Variants in THOP1 observed in about 807,000 individuals in gnomAD.
THOP1 encodes thimet oligopeptidase 1.
A neutral mutation model predicts 71.8 loss-of-function variants in THOP1; 49 were observed. The ratio of observed to expected loss-of-function variants is 0.68; its 90% CI spans 0.54 to 0.87. THOP1 has a LOEUF of 0.87. THOP1 is among the 40% of genes least tolerant of loss of function. The pLI, the probability that THOP1 is intolerant of heterozygous loss-of-function variation, is 0.00. For synonymous variants in THOP1, 426 were observed against 421.5 expected (o/e 1.01, Z -0.13); for missense variants, 843 against 975.6 (o/e 0.86, Z 1.81).
intron 12 of THOP1, 88 bp from the exon 13 acceptor site, chr19:2,813,027 C>A: frequency 6.9e-7 from 1 of 1,451,406 alleles, no homozygotes; most frequent in Non-Finnish European, 9.2e-7. Flanking sequence ...CTCCGAGGCC[C>A]CCCTGGGCGA....
At chr19:2,799,070 A>G (rs373301785) in intron 4 of THOP1, among the ~76,000 whole-genome samples, 24 of 152,354 alleles carry the variant, frequency 1.6e-4, no homozygotes, top group African/African-American at 5.1e-4. Flanking sequence ...TCATGCCTGT[A>G]ATCCCAGCAC....
In THOP1 at chr19:2,791,654, C is replaced by T. The variant is rs756609498; in HGVS notation, c.229+1021C>T. 3.9e-5 allele frequency among the ~76,000 whole-genome samples: 6 copies of T among 152,328 alleles called. No individual in the cohort carries two copies. In the South Asian group the frequency reaches 6.2e-4, roughly 16 times the overall value. Reference sequence around the variant, plus strand: ...CCACGTGGTGGCCCCTTGTCCCTCCCGTAGGAGTCTCATGAGGCTCAGGTG... The same window carrying T: ...CCACGTGGTGGCCCCTTGTCCCTCCTGTAGGAGTCTCATGAGGCTCAGGTG... On this transcript the variant is annotated intron_variant, in intron 2 of 12. Transcript: ENST00000307741.
chr19:2,787,324 A>G (rs1348084429), intron 1 of THOP1, among the ~76,000 whole-genome samples: 2 of 152,154 alleles, frequency 1.3e-5, no homozygotes, highest in African/African-American at 4.8e-5. Context: ...TAATTGTAAT[A>G]ATGATAGTCA....
chr19:2,794,694 T>A, intron 2 of THOP1, 70 bp from the exon 3 acceptor site: 8 of 1,540,146 alleles, frequency 5.2e-6, no homozygotes, highest in Non-Finnish European at 7.1e-6. Context: ...GGGAGAGGGG[T>A]CCGGGCAACA....
At chr19:2,791,040 C>T (rs1172641466) in intron 2 of THOP1, among the ~76,000 whole-genome samples, 1 of 152,214 alleles carries the variant, frequency 6.6e-6, no homozygotes, top group East Asian at 1.9e-4. Flanking sequence ...TTCCCTGGCC[C>T]GGGAAGGCGG....
intron 3 of THOP1, among the ~76,000 whole-genome samples, chr19:2,795,134 A>G (rs1254685608): frequency 6.6e-6 from 1 of 152,022 alleles, no homozygotes; most frequent in Non-Finnish European, 1.5e-5. Context: ...CATTTTTTGT[A>G]TTTTTAGTAG....
intron 6 of THOP1, 108 bp from the exon 7 acceptor site, chr19:2,806,809 G>T: frequency 6.4e-7 from 1 of 1,572,736 alleles, no homozygotes; most frequent in East Asian, 2.2e-5. Context: ...AGGGACCGGA[G>T]GTCAGACGGA....
At position 2,790,555 on chromosome 19, in the gene THOP1, G is replaced by T; in HGVS notation, c.151G>T (p.Val51Phe). The stretch of plus-strand genomic sequence containing the variant: ...GCAGACCAAGCGCGTGTATGACCAG[G>T]TTGGCACCCAGGAGTTTGAGGACGT... ...IEQTKRVYDQ[V>F]GTQEFEDVSY... Residue 51 changes from valine to phenylalanine, a missense_variant, in exon 2 of 13, where the codon GTT becomes TTT. Val to Phe is a conservative substitution (Grantham distance 50). Transcript: ENST00000307741. 1 of 1,607,396 alleles carries T rather than the reference G, an allele frequency of 6.2e-7. No homozygotes were observed.
At chr19:2,787,667 G>A (rs1915780036) in intron 1 of THOP1, among the ~76,000 whole-genome samples, 2 of 152,222 alleles carry the variant, frequency 1.3e-5, no homozygotes, top group South Asian at 2.1e-4. Flanking sequence ...CCGACTGAGA[G>A]CCTTTCTTTT....
rs755933942 is a variant in THOP1 at position 2,790,595 on chromosome 19, C to T, written c.191C>T (p.Thr64Met). Residue 64 changes from threonine (T) to methionine (M), a missense_variant, in exon 2 of 13, where the codon ACG becomes ATG. Transcript: ENST00000307741. Reference protein sequence around the residue: ...QEFEDVSYESTLKALADVEVT... With the variant: ...QEFEDVSYESMLKALADVEVT... ...TTTGAGGACGTGTCCTACGAGAGCA[C>T]GCTCAAGGCGCTGGCCGATGTGGAG... 1.3e-5 allele frequency: 21 copies of T among 1,591,696 alleles called. No homozygotes were observed. Among genetic ancestry groups the T allele is most frequent in the Non-Finnish European group, 1.7e-5 (20 of 1,169,712 alleles).
intron 9 of THOP1, among the ~76,000 whole-genome samples, chr19:2,809,071 G>C (rs1293592452): frequency 6.6e-6 from 1 of 152,206 alleles, no homozygotes; most frequent in Non-Finnish European, 1.5e-5. Context: ...CCTCAGAAAG[G>C]CTCTGTCCTA....
chr19:2,797,848 T>G (rs1041484981), intron 4 of THOP1, among the ~76,000 whole-genome samples: 1 of 152,092 alleles, frequency 6.6e-6, no homozygotes, highest in Non-Finnish European at 1.5e-5. Flanking sequence ...ACCGCTGTCC[T>G]GGTTAGGGGG....
chr19:2,804,978 T>C lies in THOP1; in HGVS notation c.590-38T>C. The C allele has an allele frequency of 6.3e-7, 1 of 1,592,634 alleles. No homozygotes were observed. Among genetic ancestry groups the C allele is most frequent in the African/African-American group, 1.3e-5 (1 of 74,564 alleles). On this transcript the variant is annotated intron_variant, in intron 5 of 12. Coordinates refer to ENST00000307741, the MANE Select transcript of THOP1 (RefSeq NM_003249.5). The surrounding 1 kb of genome is among the most constrained non-coding windows in gnomAD (Gnocchi z 4.7). The stretch of plus-strand genomic sequence containing the variant: ...ACGCTGTGTGCAGGCTGTGGGCCCA[T>C]CAGTCCTGTCAAAGCCACCCTGGTT...
In THOP1 at chr19:2,813,851, CCG is replaced by C. The variant is rs1916550353; in HGVS notation, c.*577_*578del. The C allele has an allele frequency of 6.6e-6, 1 of 151,262 alleles. No homozygotes were observed. The highest frequency in any genetic ancestry group is 2.5e-5 in the African/African-American group (1 of 39,938). The allele number at this position is 151,262 out of a possible 1,614,324, so 9.4% of individuals were successfully genotyped here. On this transcript the variant is annotated 3_prime_UTR_variant, in exon 13 of 13. Transcript: ENST00000307741. ...CTGTTGTCATTCTGGAACATTCCCC[CCG>C]CCCTGCTCAGCTCTGGCCATCAAGG...
chr19:2,806,693 C>G, intron 6 of THOP1: 1 of 669,110 alleles, frequency 1.5e-6, no homozygotes, highest in East Asian at 2.9e-5. Flanking sequence ...CCGTGTGAGG[C>G]CTTAGAGTCA....
At chr19:2,793,596 A>G (rs1915936161) in intron 2 of THOP1, among the ~76,000 whole-genome samples, 3 of 152,154 alleles carry the variant, frequency 2.0e-5, no homozygotes, top group South Asian at 2.1e-4. Flanking sequence ...AGGCCGAGGC[A>G]GGAGAATCGC....
intron 7 of THOP1, 106 bp downstream of exon 7, chr19:2,807,158 G>C: frequency 4.3e-6 from 6 of 1,387,184 alleles, no homozygotes; most frequent in Non-Finnish European, 5.7e-6. Flanking sequence ...TTCCCTCCAT[G>C]AAGAGGGACT....
intron 12 of THOP1, chr19:2,812,031 C>A: frequency 2.8e-6 from 3 of 1,055,722 alleles, no homozygotes; most frequent in Non-Finnish European, 3.9e-6. Flanking sequence ...CTGCAGGAAG[C>A]TCCACACTGG....
At chr19:2,810,110 T>A in intron 9 of THOP1, 194 bp from the exon 10 acceptor site, 1 of 663,924 alleles carries the variant, frequency 1.5e-6, no homozygotes. Context: ...TGTGTCCTGC[T>A]GCCACCGGCA....
Sources: allele counts gnomAD v4.1 joint callset (sites outside exome capture counted in the v4.1 genomes callset), GRCh38; gene constraint gnomAD v4.1.1; non-coding constraint Gnocchi (gnomAD v3.1); transcripts MANE v1.5; gene names NCBI Gene and HGNC (gene_info 2026-07-23, HGNC 2026-07-21).